ZNF804B: variants seen among roughly 807,000 people sequenced by gnomAD.
ZNF804B encodes the protein zinc finger protein 804B.
In ZNF804B, 80 loss-of-function variants were observed where a neutral mutation model predicts 101.4. The ratio of observed to expected loss-of-function variants is 0.79; its 90% CI spans 0.66 to 0.95. The LOEUF is 0.95. Among genes scored for constraint, ZNF804B ranks in the 40% least tolerant of loss-of-function variants. The pLI is 0.00. For synonymous variants in ZNF804B, 622 were observed against 558.8 expected (o/e 1.11, Z -1.59); for missense variants, 1,673 against 1,561.9 (o/e 1.07, Z -1.20).
chr7:88,761,250 T>C (rs72612700), intron 1 of ZNF804B, among the ~76,000 whole-genome samples: 5,564 of 152,226 alleles, frequency 0.037, 295 homozygotes, highest in East Asian at 0.28. Context: ...CATGACAAAC[T>C]ATTCCTTCAC....
At chr7:88,850,410 C>T (rs1310576621) in intron 1 of ZNF804B, among the ~76,000 whole-genome samples, 1 of 152,078 alleles carries the variant, frequency 6.6e-6, no homozygotes, top group Non-Finnish European at 1.5e-5. Flanking sequence ...CATACAGTCT[C>T]CCGTGATTAT....
At chr7:88,795,605 A>G (rs957571028) in intron 1 of ZNF804B, 2 of 152,050 alleles carry the variant, frequency 1.3e-5, no homozygotes, top group African/African-American at 4.8e-5. Context: ...CTCTGCTTAC[A>G]AATCTCCTCA....
chr7:88,932,723 A>G (rs184198402), intron 1 of ZNF804B, among the ~76,000 whole-genome samples: 2 of 151,986 alleles, frequency 1.3e-5, no homozygotes, highest in South Asian at 2.1e-4. Context: ...AAGCAGACCA[A>G]TAACAAGCAG....
intron 1 of ZNF804B, among the ~76,000 whole-genome samples, chr7:89,033,660 TA>T (rs1011907217): frequency 6.7e-5 from 10 of 149,618 alleles, no homozygotes; most frequent in Middle Eastern, 3.5e-3. Flanking sequence ...CATGAATTTG[TA>T]AAAAAAAAAT....
intron 2 of ZNF804B, among the ~76,000 whole-genome samples, chr7:89,230,431 A>G (rs955708261): frequency 6.6e-6 from 1 of 152,108 alleles, no homozygotes; most frequent in African/African-American, 2.4e-5. Flanking sequence ...ATCTATCCAA[A>G]CTCATACAAG....
intron 1 of ZNF804B, among the ~76,000 whole-genome samples, chr7:88,876,465 A>G (rs546115901): frequency 1.3e-5 from 2 of 152,282 alleles, no homozygotes; most frequent in African/African-American, 2.4e-5. Context: ...TTTATTTACA[A>G]TTATCCCTTT....
At chr7:89,017,320 C>T (rs1197950546) in intron 1 of ZNF804B, among the ~76,000 whole-genome samples, 1 of 152,146 alleles carries the variant, frequency 6.6e-6, no homozygotes, top group Non-Finnish European at 1.5e-5. Flanking sequence ...TAATTGAATA[C>T]ACTTTATTTC....
intron 1 of ZNF804B, among the ~76,000 whole-genome samples, chr7:88,783,944 C>A (rs2115666447): frequency 6.6e-6 from 1 of 152,102 alleles, no homozygotes; most frequent in Non-Finnish European, 1.5e-5. Flanking sequence ...AATGAATATA[C>A]ATTACAAGTT....
intron 1 of ZNF804B, among the ~76,000 whole-genome samples, chr7:89,126,185 C>T (rs545773457): frequency 6.2e-4 from 94 of 151,848 alleles, no homozygotes; most frequent in Non-Finnish European, 8.0e-4. Context: ...CTTGACATTT[C>T]AGCTTTTTTA....
At chr7:88,795,866 T>G (rs191399132) in intron 1 of ZNF804B, 6 of 152,266 alleles carry the variant, frequency 3.9e-5, no homozygotes, top group Admixed American at 3.9e-4. Flanking sequence ...GCAGAGGAAG[T>G]GTGAATGGCT....
At chr7:89,024,155 C>T (rs979745148) in intron 1 of ZNF804B, among the ~76,000 whole-genome samples, 5 of 152,278 alleles carry the variant, frequency 3.3e-5, no homozygotes, top group East Asian at 3.9e-4. Flanking sequence ...TGAGATATAA[C>T]GTAGACTATG....
intron 2 of ZNF804B, among the ~76,000 whole-genome samples, chr7:89,255,494 C>T (rs1026540675): frequency 3.9e-5 from 6 of 152,086 alleles, no homozygotes; most frequent in African/African-American, 1.2e-4. Flanking sequence ...GCCCAGTGGG[C>T]GTTGCTGGTT....
At chr7:89,121,191 T>C (rs1323441692) in intron 1 of ZNF804B, among the ~76,000 whole-genome samples, 6 of 152,316 alleles carry the variant, frequency 3.9e-5, no homozygotes, top group South Asian at 2.1e-4. Flanking sequence ...GCTGTCTGGC[T>C]AGATCAACTA....
intron 1 of ZNF804B, among the ~76,000 whole-genome samples, chr7:89,010,195 A>G (rs572702771): frequency 1.3e-3 from 199 of 152,074 alleles, no homozygotes; most frequent in African/African-American, 4.7e-3. Context: ...ACCTTTTTCA[A>G]GTGACATTAA....
chr7:88,762,051 G>C (rs1262666102), intron 1 of ZNF804B, among the ~76,000 whole-genome samples: 1 of 152,048 alleles, frequency 6.6e-6, no homozygotes, highest in East Asian at 1.9e-4. Context: ...TCACTGCTGG[G>C]CTGGTTTTTA....
chr7:89,020,359 G>T (rs1788646919), intron 1 of ZNF804B, among the ~76,000 whole-genome samples: 1 of 151,926 alleles, frequency 6.6e-6, no homozygotes, highest in African/African-American at 2.4e-5. Flanking sequence ...TTTTTTGTCT[G>T]TTTGTTTTAG....
At chr7:88,934,278 G>T (rs1358344986) in intron 1 of ZNF804B, among the ~76,000 whole-genome samples, 1 of 151,746 alleles carries the variant, frequency 6.6e-6, no homozygotes, top group Non-Finnish European at 1.5e-5. Context: ...ATGGATCAAA[G>T]ACCTGAAGTC....
intron 1 of ZNF804B, among the ~76,000 whole-genome samples, chr7:89,074,326 T>C (rs1302637219): frequency 1.3e-5 from 2 of 152,216 alleles, no homozygotes; most frequent in East Asian, 3.9e-4. Context: ...CCAAATCTAA[T>C]CTTGAATTAT....
intron 1 of ZNF804B, among the ~76,000 whole-genome samples, chr7:88,894,297 T>A (rs1792255039): frequency 6.6e-6 from 1 of 151,796 alleles, no homozygotes; most frequent in Non-Finnish European, 1.5e-5. Flanking sequence ...TATTGCAACC[T>A]CTGCCTCCCG....
Sources: gnomAD v4.1 joint callset for allele counts (sites outside exome capture counted in the v4.1 genomes callset) on GRCh38, gnomAD v4.1.1 for gene constraint, MANE v1.5 for transcripts, NCBI Gene and HGNC (gene_info 2026-07-23, HGNC 2026-07-21) for gene names.